The following VSIG10L variants were observed in gnomAD, a reference collection of about 807,000 sequenced individuals.
VSIG10L encodes V-set and immunoglobulin domain-containing protein 10-like.
Under a neutral mutation model 67.3 loss-of-function variants are expected in VSIG10L, and 63 were observed. The observed-to-expected ratio is 0.94, with a 90% CI of 0.76 to 1.15. The LOEUF (loss-of-function observed/expected upper bound fraction) is 1.15, where lower values mean the gene tolerates loss of function less well. Ranked by LOEUF, VSIG10L falls within the 50% of genes most tolerant of loss-of-function variation. The pLI is 0.00. For synonymous variants in VSIG10L, 499 were observed against 524.9 expected (o/e 0.95, Z 0.67); for missense variants, 1,050 against 1,177.5 (o/e 0.89, Z 1.58).
chr19:51,340,047 CGGCGGCCGGTACGCG>C lies in VSIG10L; in HGVS notation c.1427_1441del (p.Pro476_Arg480del), dbSNP rs1203514831. ...TGTAAGGTTGAGCAGCGAGCGGCGG[CGGCGGCCGGTACGCG>C]GGTTCGCCGCCAGGCAGGCGTAGGT... On this transcript the variant is annotated inframe_deletion, in exon 4 of 10. Transcript: ENST00000335624. The surrounding 1 kb of genome is among the most constrained non-coding windows in gnomAD (Gnocchi z 6.3). 35 of 1,436,192 alleles carry C rather than the reference CGGCGGCCGGTACGCG, an allele frequency of 2.4e-5. No homozygotes were observed. The highest frequency in any genetic ancestry group is 2.6e-5 in the Admixed American group (1 of 38,386). 89.0% of individuals were successfully genotyped at this position (1,436,192 alleles called of 1,614,324 possible).
rs1985588732 is a variant in VSIG10L, at chr19:51,340,091, T to C, written c.1398A>G (p.Ala466=). 2 of 1,373,598 alleles carry C rather than the reference T, an allele frequency of 1.5e-6. No homozygotes were observed. Among genetic ancestry groups the C allele is most frequent in the African/African-American group, 1.5e-5 (1 of 66,180 alleles). 85.1% of individuals were successfully genotyped at this position (1,373,598 alleles called of 1,614,324 possible). Residue 466 remains alanine (A), a synonymous_variant, in exon 4 of 10, where the codon GCA becomes GCG. Transcript: ENST00000335624. The surrounding 1 kb of genome is among the most constrained non-coding windows in gnomAD (Gnocchi z 6.3). ...TCGCCGCCAGGCAGGCGTAGGTGCC[T>C]GCGTGGCCCGGTCCGACCGCGGGCA... The part of the protein sequence containing the change: ...LLLPAVGPGH[A]GTYACLAANP...
chr19:51,335,383 G>C (rs1985456742), intron 7 of VSIG10L, among the ~76,000 whole-genome samples: 1 of 152,156 alleles, frequency 6.6e-6, no homozygotes, highest in African/African-American at 2.4e-5. Context: ...ATAAACTGCT[G>C]TTGCAGTCCA....
At position 51,340,135 on chromosome 19, in the gene VSIG10L, C is replaced by A; in HGVS notation, c.1354G>T (p.Ala452Ser). The change falls in exon 4 of 10, where the codon GCG becomes TCG. Residue 452 changes from alanine (A) to serine (S), a missense_variant. This residue lies in a region of VSIG10L where 529 missense variants were observed against 584.9 expected (regional missense o/e 0.90). Transcript: ENST00000335624. This position sits in a 1 kb window ranked among gnomAD's most constrained non-coding sequence, Gnocchi z 6.3. Reference sequence around the variant, plus strand: ...GCGGGCAGCAGGAGGCGCGACCCCGCGGGCACCGCGGCCTCGGCCGGGTCC... The same window carrying A: ...GCGGGCAGCAGGAGGCGCGACCCCGAGGGCACCGCGGCCTCGGCCGGGTCC... Reference protein sequence around the residue: ...LADPAEAAVPAGSRLLLPAVG... With the variant: ...LADPAEAAVPSGSRLLLPAVG... The A allele has an allele frequency of 7.6e-7, 1 of 1,313,948 alleles. No homozygotes were observed. The highest frequency in any genetic ancestry group is 9.6e-7 in the Non-Finnish European group (1 of 1,037,774). 81.4% of individuals were successfully genotyped at this position (1,313,948 alleles called of 1,614,324 possible). A position where few individuals can be genotyped will look rare whatever the true frequency, so the allele number is the denominator to read the frequency against.
intron 4 of VSIG10L, 122 bp downstream of exon 4, chr19:51,339,893 C>T: frequency 9.1e-7 from 1 of 1,103,456 alleles, no homozygotes; most frequent in Non-Finnish European, 1.1e-6. Flanking sequence ...TCCCGCTGGC[C>T]CTGCCCCACC....
intron 7 of VSIG10L, among the ~76,000 whole-genome samples, chr19:51,336,184 T>C (rs1985473759): frequency 6.6e-6 from 1 of 152,164 alleles, no homozygotes; most frequent in Non-Finnish European, 1.5e-5. Context: ...TATTTTGGAA[T>C]AAGGTCTTTG....
Position 51,338,066 on chromosome 19 carries a change from G to A in VSIG10L, c.1872C>T (p.Gly624=), listed in dbSNP as rs778055038. 62 of 1,551,542 alleles carry A rather than the reference G, an allele frequency of 4.0e-5. No individual in the cohort carries two copies. In the Middle Eastern group the frequency reaches 2.7e-3, roughly 67 times the overall value. The change falls in exon 6 of 10, where the codon GGC becomes GGT. Residue 624 remains glycine, a synonymous_variant. Coordinates refer to ENST00000335624, the MANE Select transcript of VSIG10L (RefSeq NM_001163922.3). ...AREGRPLAPG[G]GSRLRLSQDG... ...CTTGACTGAGCCGCAGGCGACTCCC[G>A]CCTCCTGGAGCCAGGGGCCTCCCTT...
chr19:51,341,998 A>G lies in VSIG10L; in HGVS notation c.50T>C (p.Val17Ala), dbSNP rs1490077813. The change falls in exon 2 of 10, where the codon GTA (valine) becomes GCA (alanine). Residue 17 changes from valine (V) to alanine (A), a missense_variant. By Grantham distance (64) the Val-to-Ala change is moderately conservative (BLOSUM62 0). This residue lies in a region of VSIG10L where 511 missense variants were observed against 557.9 expected (regional missense o/e 0.92). Coordinates refer to ENST00000335624, the MANE Select transcript of VSIG10L (RefSeq NM_001163922.3). ...LPLFLLLASLVGILTLRASSG... is the reference protein window; with the variant it reads ...LPLFLLLASLAGILTLRASSG... The stretch of plus-strand genomic sequence containing the variant: ...AGAGGCTCTGAGGGTGAGGATCCCT[A>G]CCAAGGAGGCTGCAGAGAAGAGAGG... 6.4e-7 allele frequency: 1 copy of G among 1,551,670 alleles called. No homozygotes were observed. Among genetic ancestry groups the G allele is most frequent in the East Asian group, 2.4e-5 (1 of 40,918 alleles).
chr19:51,333,821 C>T lies in VSIG10L; in HGVS notation c.2544G>A (p.Leu848=). Residue 848 remains leucine (L), a synonymous_variant, in exon 9 of 10, where the codon CTG becomes CTA. Transcript: ENST00000335624. The stretch of plus-strand genomic sequence containing the variant: ...AGGCCCTAGTTGAGCTGTGGTCCTC[C>T]AGAGGGACTTTGAGGTCCAGAGGCC... ...ISWPLDLKVP[L]EDHSSTRAYQ... is the part of the protein sequence containing the mutation. The T allele has an allele frequency of 6.4e-7, 1 of 1,551,298 alleles. No individual in the cohort carries two copies. Among genetic ancestry groups the T allele is most frequent in the East Asian group, 2.4e-5 (1 of 40,924 alleles).
In VSIG10L at chr19:51,332,444, A is replaced by G. The variant is rs1985379914; in HGVS notation, c.*167T>C. The stretch of plus-strand genomic sequence containing the variant: ...AGGAAGACTCTTCTTCTGCAGCAAG[A>G]GAGGGAGACAGAAAGTCCCACTTTC... On this transcript the variant is annotated 3_prime_UTR_variant, in exon 10 of 10. Coordinates refer to ENST00000335624, the MANE Select transcript of VSIG10L (RefSeq NM_001163922.3). 1 of 766,124 alleles carries G rather than the reference A, an allele frequency of 1.3e-6. No individual in the cohort carries two copies. Among genetic ancestry groups the G allele is most frequent in the Admixed American group, 2.0e-5 (1 of 49,226 alleles). The allele number at this position is 766,124 out of a possible 1,614,324, so 47.5% of individuals were successfully genotyped here.
Position 51,334,306 on chromosome 19 carries a change from T to TGGAAGAGACAAAGAGAA in VSIG10L, c.2306-19_2306-3dup. On this transcript the variant is annotated splice_region_variant and splice_polypyrimidine_tract_variant and intron_variant, in intron 7 of 9. Coordinates refer to ENST00000335624, the MANE Select transcript of VSIG10L (RefSeq NM_001163922.3). Reference sequence around the variant, plus strand: ...TGGCCCCATGGCTCAACGTGGGGCCTGGAAGAGACAAAGAGAAGAAAGAGA... The same window carrying TGGAAGAGACAAAGAGAA: ...TGGCCCCATGGCTCAACGTGGGGCCTGGAAGAGACAAAGAGAAGGAAGAGACAAAGAGAAGAAAGAGA... The TGGAAGAGACAAAGAGAA allele has an allele frequency of 1.3e-6, 2 of 1,550,532 alleles. No homozygotes were observed. The highest frequency in any genetic ancestry group is 1.7e-6 in the Non-Finnish European group (2 of 1,146,374).
rs1985432443 is a variant in VSIG10L, at chr19:51,334,315, CAAAGAGAAG to C, written c.2306-20_2306-12del. On this transcript the variant is annotated splice_polypyrimidine_tract_variant and intron_variant, in intron 7 of 9. Transcript: ENST00000335624. ...GGCTCAACGTGGGGCCTGGAAGAGA[CAAAGAGAAG>C]AAAGAGAAGGGGAACAGGAACCAAG... 1.3e-6 allele frequency: 2 copies of C among 1,549,252 alleles called. No individual in the cohort carries two copies. The highest frequency in any genetic ancestry group is 1.4e-5 in the African/African-American group (1 of 72,968).
chr19:51,332,843 A>T (rs1985391389), intron 9 of VSIG10L, among the ~76,000 whole-genome samples: 1 of 151,576 alleles, frequency 6.6e-6, no homozygotes, highest in South Asian at 2.2e-4. Context: ...GTTATTTTTT[A>T]TTTATTTATT....
chr19:51,340,361 C>T lies in VSIG10L; in HGVS notation c.1190-62G>A. The T allele has an allele frequency of 1.4e-6, 2 of 1,465,234 alleles. No individual in the cohort carries two copies. The highest frequency in any genetic ancestry group is 1.8e-6 in the Non-Finnish European group (2 of 1,108,076). The allele number at this position is 1,465,234 out of a possible 1,614,324, so 90.8% of individuals were successfully genotyped here. On this transcript the variant is annotated intron_variant, in intron 3 of 9. Transcript: ENST00000335624. The surrounding 1 kb of genome is among the most constrained non-coding windows in gnomAD (Gnocchi z 6.3). ...GTCACCTGGGACGCCGCTAGGACTC[C>T]CGGAGACTGGGTCCCCAGCCCGCTT...
In VSIG10L at chr19:51,333,893, G is replaced by A; in HGVS notation, c.2472C>T (p.Thr824=). 1.3e-6 allele frequency: 2 copies of A among 1,551,688 alleles called. No individual in the cohort carries two copies. Among genetic ancestry groups the A allele is most frequent in the Non-Finnish European group, 1.7e-6 (2 of 1,146,980 alleles). The change falls in exon 9 of 10, where the codon ACC becomes ACT. Residue 824 remains threonine (T), a synonymous_variant. Transcript: ENST00000335624. ...KHPSTLVPVV[T]PSEKKMHSVT... is the part of the protein sequence containing the mutation. ...CACTATGCATCTTCTTTTCTGAGGG[G>A]GTGACCACGGGGACCAAGGTAGAAG... is the stretch of plus-strand genomic sequence containing the variant.
rs1033035724 is a variant in VSIG10L at position 51,340,999 on chromosome 19, A to AC, written c.895+153dup. ...ATCCCAGGTCCACCTTTGCTCAGAC[A>AC]CCCCTGCCTTGACCTCTAGCTCTTT... On this transcript the variant is annotated intron_variant, in intron 2 of 9. Coordinates refer to ENST00000335624, the MANE Select transcript of VSIG10L (RefSeq NM_001163922.3). This position sits in a 1 kb window ranked among gnomAD's most constrained non-coding sequence, Gnocchi z 6.3. The AC allele has an allele frequency of 1.7e-6, 2 of 1,182,204 alleles. No individual in the cohort carries two copies. Among genetic ancestry groups the AC allele is most frequent in the East Asian group, 2.8e-5 (1 of 35,660 alleles). The allele number at this position is 1,182,204 out of a possible 1,614,324, so 73.2% of individuals were successfully genotyped here.
At position 51,339,040 on chromosome 19, in the gene VSIG10L, A is replaced by G. The variant is rs1985557528; in HGVS notation, c.1577T>C (p.Leu526Pro). The change falls in exon 5 of 10, where the codon CTG (leucine) becomes CCG (proline). Residue 526 changes from leucine to proline, a missense_variant. By Grantham distance (98) the Leu-to-Pro change is moderately conservative. Transcript: ENST00000335624. The part of the protein sequence containing the change: ...SWPGGAPAAS[L>P]QFQGLPEGIR... ...GCCTTCGGGGAGACCCTGGAACTGC[A>G]GGGAGGCAGCAGGGGCCCCGCCGGG... 4.4e-6 allele frequency: 6 copies of G among 1,356,672 alleles called. No homozygotes were observed. The East Asian group carries it at 1.9e-4, about 42-fold the overall frequency. 84.0% of individuals were successfully genotyped at this position (1,356,672 alleles called of 1,614,324 possible).
In VSIG10L at chr19:51,338,200, G is replaced by A. The variant is rs1296246448; in HGVS notation, c.1738C>T (p.Arg580Ter). Reference protein sequence around the residue: ...RTCTVTPEAPREVLLHPLVAE... With the variant: ...RTCTVTPEAP Reference sequence around the variant, plus strand: ...ACCAGCGGATGCAGCAGCACCTCTCGGGGGGCCTCTGCCGGTGGGAGAAGT... The same window carrying A: ...ACCAGCGGATGCAGCAGCACCTCTCAGGGGGCCTCTGCCGGTGGGAGAAGT... Residue 580 changes from arginine (R) to a stop codon, truncating the protein, a stop_gained, in exon 6 of 10, where the codon CGA (arginine) becomes TGA (stop). Transcript: ENST00000335624. LOFTEE classifies it high-confidence loss of function. The A allele has an allele frequency of 2.0e-6, 3 of 1,468,026 alleles. No homozygotes were observed. Among genetic ancestry groups the A allele is most frequent in the African/African-American group, 1.4e-5 (1 of 70,002 alleles). The allele number at this position is 1,468,026 out of a possible 1,614,324, so 90.9% of individuals were successfully genotyped here. A position where few individuals can be genotyped will look rare whatever the true frequency, so the allele number is the denominator to read the frequency against.
Position 51,333,917 on chromosome 19 carries a change from A to G in VSIG10L, c.2448T>C (p.Pro816=), listed in dbSNP as rs7255306. The G allele has an allele frequency of 0.32, 489,947 of 1,550,438 alleles. 87,051 individuals carry two copies. Among genetic ancestry groups the G allele is most frequent in the African/African-American group, 0.78 (56,924 of 73,062 alleles). The change falls in exon 9 of 10, where the codon CCT becomes CCC. Residue 816 remains proline, a synonymous_variant. Coordinates refer to ENST00000335624, the MANE Select transcript of VSIG10L (RefSeq NM_001163922.3). ...GGGTGACCACGGGGACCAAGGTAGAAGGATGCTTCTTTTTCTCAGGAGTCT... is the reference window on the plus strand; with the variant it reads ...GGGTGACCACGGGGACCAAGGTAGAGGGATGCTTCTTTTTCTCAGGAGTCT... ...RGKTPEKKKH[P]STLVPVVTPS... is the part of the protein sequence containing the mutation.
rs1599834900 is a variant in VSIG10L at position 51,340,290 on chromosome 19, T to G, written c.1199A>C (p.Asp400Ala). 6.6e-7 allele frequency: 1 copy of G among 1,516,836 alleles called. No homozygotes were observed. The highest frequency in any genetic ancestry group is 2.6e-5 in the East Asian group (1 of 38,932). 94.0% of individuals were successfully genotyped at this position (1,516,836 alleles called of 1,614,324 possible). A position where few individuals can be genotyped will look rare whatever the true frequency, so the allele number is the denominator to read the frequency against. The stretch of plus-strand genomic sequence containing the variant: ...CGAGGAGACCGTGATGGTCGGCGGG[T>G]CCGGGCCGTCTGGAGGGAGGAGGGG... The part of the protein sequence containing the change: ...AADVSVFYGP[D>A]PPTITVSSDR... The change falls in exon 4 of 10, where the codon GAC becomes GCC. Residue 400 changes from aspartate to alanine, a missense_variant. Asp to Ala is a moderately radical substitution (Grantham distance 126). Around this residue, in one of 3 missense-constraint regions of VSIG10L, gnomAD observed 511 missense variants for 557.9 expected, o/e 0.92. Coordinates refer to ENST00000335624, the MANE Select transcript of VSIG10L (RefSeq NM_001163922.3). This position sits in a 1 kb window ranked among gnomAD's most constrained non-coding sequence, Gnocchi z 6.3.
Sources: gnomAD v4.1 joint callset for allele counts (sites outside exome capture counted in the v4.1 genomes callset) on GRCh38, gnomAD v4.1.1 for gene constraint, gnomAD v4.1.1 regional missense constraint, Gnocchi (gnomAD v3.1) non-coding constraint, MANE v1.5 for transcripts, NCBI Gene and HGNC (gene_info 2026-07-23, HGNC 2026-07-21) for gene names.